Variants in GRIA2 observed in about 807,000 individuals in gnomAD.
GRIA2 encodes glutamate ionotropic receptor AMPA type subunit 2, also known as glutamate receptor 2.
A neutral mutation model predicts 97.3 loss-of-function variants in GRIA2; 14 were observed. That is an observed-to-expected ratio of 0.14 (90% CI 0.10 to 0.23). The LOEUF is 0.23. GRIA2 is among the 10% of genes least tolerant of loss of function. The pLI is 1.00. For missense variants in GRIA2, 558 were observed against 1,069.8 expected, an observed-to-expected ratio of 0.52 and a Z score of 6.67; for synonymous variants, 412 against 387.8, an observed-to-expected ratio of 1.06 and a Z score of -0.73.
At chr4:157,234,446 G>A (rs1264733331) in intron 2 of GRIA2, among the ~76,000 whole-genome samples, 1 of 151,978 alleles carries the variant, frequency 6.6e-6, no homozygotes, top group Non-Finnish European at 1.5e-5. Context: ...GAATTTTGAT[G>A]TGTTCTTGAT....
intron 2 of GRIA2, among the ~76,000 whole-genome samples, chr4:157,287,627 G>A (rs1359619392): frequency 6.6e-6 from 1 of 151,610 alleles, no homozygotes; most frequent in East Asian, 1.9e-4. Context: ...ACTGAAAAAT[G>A]GTGGGTTTTG....
At chr4:157,236,274 T>C (rs569128446) in intron 2 of GRIA2, among the ~76,000 whole-genome samples, 1 of 152,152 alleles carries the variant, frequency 6.6e-6, no homozygotes, top group East Asian at 1.9e-4. Context: ...AAAAAAACAC[T>C]ACACACGGGG....
intron 2 of GRIA2, among the ~76,000 whole-genome samples, chr4:157,249,231 A>T (rs1316635359): frequency 6.6e-6 from 1 of 151,992 alleles, no homozygotes; most frequent in East Asian, 1.9e-4. Context: ...AACTTTATGA[A>T]CCTCCAGAGC....
chr4:157,355,618 TTA>T (rs1174101675), intron 12 of GRIA2, among the ~76,000 whole-genome samples: 2 of 139,506 alleles, frequency 1.4e-5, no homozygotes, highest in African/African-American at 2.6e-5. Context: ...ATATATTTAT[TTA>T]TATATATTTA....
chr4:157,316,198 TAATC>T (rs1457778072), intron 4 of GRIA2, among the ~76,000 whole-genome samples: 3 of 152,160 alleles, frequency 2.0e-5, no homozygotes, highest in African/African-American at 7.2e-5. Flanking sequence ...AGGAGGGACA[TAATC>T]AATCTGATTC....
chr4:157,221,829 C>T lies in GRIA2; in HGVS notation c.229+22C>T, dbSNP rs769894401. The stretch of plus-strand genomic sequence containing the variant: ...GCTTGTAAGTAATGAATATTCATGC[C>T]TTTCGGGTGCTGCACGCGGAAGGCC... On this transcript the variant is annotated intron_variant, in intron 2 of 15. Coordinates refer to ENST00000264426, the MANE Select transcript of GRIA2 (RefSeq NM_001083619.3). The T allele has an allele frequency of 3.1e-6, 5 of 1,610,872 alleles. No homozygotes were observed. The African/African-American group carries it at 4.0e-5, about 13-fold the overall frequency.
intron 3 of GRIA2, among the ~76,000 whole-genome samples, chr4:157,308,487 A>G (rs1280410458): frequency 7.7e-6 from 1 of 130,600 alleles, no homozygotes; most frequent in Non-Finnish European, 1.6e-5. Context: ...ATTTACCAGG[A>G]GGAATAATCT....
chr4:157,234,916 G>A (rs140997370), intron 2 of GRIA2, among the ~76,000 whole-genome samples: 1 of 152,056 alleles, frequency 6.6e-6, no homozygotes, highest in Non-Finnish European at 1.5e-5. Context: ...TACTGACAAT[G>A]AGTAAAAATA....
intron 2 of GRIA2, among the ~76,000 whole-genome samples, chr4:157,272,816 T>A (rs1315207703): frequency 6.6e-6 from 1 of 152,004 alleles, no homozygotes; most frequent in Non-Finnish European, 1.5e-5. Flanking sequence ...AAACATTCTG[T>A]CTCATTTAAG....
chr4:157,227,465 C>T (rs1416810356), intron 2 of GRIA2, among the ~76,000 whole-genome samples: 1 of 152,088 alleles, frequency 6.6e-6, no homozygotes, highest in Non-Finnish European at 1.5e-5. Flanking sequence ...TTTCTCTCTT[C>T]CTCCTCTTCC....
At chr4:157,320,309 C>T (rs1734503144) in intron 5 of GRIA2, among the ~76,000 whole-genome samples, 1 of 151,984 alleles carries the variant, frequency 6.6e-6, no homozygotes, top group Non-Finnish European at 1.5e-5. Context: ...AAGCAAATTA[C>T]ATACTCATGT....
chr4:157,297,236 T>G (rs925851743), intron 2 of GRIA2, among the ~76,000 whole-genome samples: 1 of 152,118 alleles, frequency 6.6e-6, no homozygotes, highest in Non-Finnish European at 1.5e-5. Flanking sequence ...ACAATTCATA[T>G]GCTGAGAATA....
intron 2 of GRIA2, among the ~76,000 whole-genome samples, chr4:157,240,341 A>T (rs528089723): frequency 1.3e-5 from 2 of 152,266 alleles, no homozygotes; most frequent in East Asian, 3.9e-4. Flanking sequence ...AATATCAATT[A>T]TGTTCTAATT....
intron 2 of GRIA2, among the ~76,000 whole-genome samples, chr4:157,297,746 G>C (rs767024828): frequency 5.3e-5 from 8 of 151,766 alleles, no homozygotes; most frequent in Non-Finnish European, 1.0e-4. Flanking sequence ...TATGTGTTTA[G>C]ATATTGTAAA....
chr4:157,252,426 G>T (rs1731058142), intron 2 of GRIA2, among the ~76,000 whole-genome samples: 1 of 151,982 alleles, frequency 6.6e-6, no homozygotes, highest in African/African-American at 2.4e-5. Flanking sequence ...GGGAAACAAT[G>T]GACAGTTTTT....
chr4:157,338,420 G>T (rs1384675735), intron 11 of GRIA2, among the ~76,000 whole-genome samples: 1 of 151,970 alleles, frequency 6.6e-6, no homozygotes, highest in South Asian at 2.1e-4. Context: ...TGGCACTGCA[G>T]GTAGTTGTTT....
At position 157,220,758 on chromosome 4, in the gene GRIA2, A is replaced by C. The variant is rs1027849062; in HGVS notation, c.-285A>C. ...TGTGTGAGTGCATGGGAGGGTGCTGAATATTCCGAGACACTGGGACCACAG... is the reference window on the plus strand; with the variant it reads ...TGTGTGAGTGCATGGGAGGGTGCTGCATATTCCGAGACACTGGGACCACAG... On this transcript the variant is annotated 5_prime_UTR_variant, in exon 1 of 16. An upstream open reading frame in the 5' UTR loses its in-frame stop. Coordinates refer to ENST00000264426, the MANE Select transcript of GRIA2 (RefSeq NM_001083619.3). 2.0e-6 allele frequency: 1 copy of C among 497,676 alleles called. No homozygotes were observed. Among genetic ancestry groups the C allele is most frequent in the African/African-American group, 1.9e-5 (1 of 51,568 alleles). The allele number at this position is 497,676 out of a possible 1,614,324, so 30.8% of individuals were successfully genotyped here. A position where few individuals can be genotyped will look rare whatever the true frequency, so the allele number is the denominator to read the frequency against.
chr4:157,252,076 C>A (rs933770337), intron 2 of GRIA2, among the ~76,000 whole-genome samples: 1 of 152,082 alleles, frequency 6.6e-6, no homozygotes, highest in Non-Finnish European at 1.5e-5. Context: ...CACAAAAAAT[C>A]CCTCAAAACA....
intron 14 of GRIA2, 49 bp from the exon 15 acceptor site, chr4:157,362,750 A>G (rs754775260): frequency 1.3e-6 from 2 of 1,530,626 alleles, no homozygotes; most frequent in South Asian, 1.2e-5. Flanking sequence ...GTTCTCTTCT[A>G]TTCACCAGTT....
Sources: allele counts gnomAD v4.1 joint callset (sites outside exome capture counted in the v4.1 genomes callset), GRCh38; gene constraint gnomAD v4.1.1; transcripts MANE v1.5; gene names NCBI Gene and HGNC (gene_info 2026-07-23, HGNC 2026-07-21).